Variants in SCMH1 observed in about 807,000 individuals in gnomAD.
SCMH1 encodes Scm polycomb group protein homolog 1, also known as polycomb protein SCMH1.
In SCMH1, 37 loss-of-function variants were observed where a neutral mutation model predicts 70.8. The observed-to-expected ratio is 0.52, with a 90% CI of 0.40 to 0.69. The LOEUF is 0.69. SCMH1 is among the 30% of genes least tolerant of loss of function. The pLI is 0.00. For missense variants in SCMH1, 607 were observed against 827.3 expected (o/e 0.73, Z 3.27); for synonymous variants, 292 against 307.4 (o/e 0.95, Z 0.52).
At chr1:41,138,481 A>G (rs1643712664) in intron 6 of SCMH1, among the ~76,000 whole-genome samples, 1 of 151,970 alleles carries the variant, frequency 6.6e-6, no homozygotes, top group Non-Finnish European at 1.5e-5. Flanking sequence ...TTCCTTTGAG[A>G]TACTTTTTAA....
At chr1:41,134,376 G>C (rs1418960605) in intron 6 of SCMH1, among the ~76,000 whole-genome samples, 2 of 152,180 alleles carry the variant, frequency 1.3e-5, no homozygotes, top group Admixed American at 1.3e-4. Context: ...ACTGGCACAA[G>C]ACAAGGATGC....
At chr1:41,110,083 C>T (rs1668891990) in intron 8 of SCMH1, among the ~76,000 whole-genome samples, 1 of 152,192 alleles carries the variant, frequency 6.6e-6, no homozygotes, top group African/African-American at 2.4e-5. Flanking sequence ...AGTGCTTCCT[C>T]ACAATGCATT....
At chr1:41,029,650 T>G (rs1442139301) in intron 13 of SCMH1, among the ~76,000 whole-genome samples, 1 of 152,182 alleles carries the variant, frequency 6.6e-6, no homozygotes, top group Non-Finnish European at 1.5e-5. Flanking sequence ...CTGTCAGAGA[T>G]CTTTTACATG....
chr1:41,069,514 A>G (rs1011961169), intron 10 of SCMH1, among the ~76,000 whole-genome samples: 1 of 152,210 alleles, frequency 6.6e-6, no homozygotes, highest in African/African-American at 2.4e-5. Flanking sequence ...TGTATAACTG[A>G]CACAAATCAA....
At chr1:41,236,302 T>G (rs1275916308) in intron 1 of SCMH1, among the ~76,000 whole-genome samples, 1 of 152,078 alleles carries the variant, frequency 6.6e-6, no homozygotes, top group Non-Finnish European at 1.5e-5. Flanking sequence ...ATGGGAGGGG[T>G]GCAGGAGAAT....
intron 1 of SCMH1, among the ~76,000 whole-genome samples, 168 bp downstream of exon 1, chr1:41,241,891 C>T (rs1470285385): frequency 6.6e-6 from 1 of 151,822 alleles, no homozygotes; most frequent in Non-Finnish European, 1.5e-5. Context: ...AGGGCCCAGC[C>T]CCGCGCGGAC....
chr1:41,078,207 G>A (rs932503393), intron 8 of SCMH1, among the ~76,000 whole-genome samples: 46 of 152,024 alleles, frequency 3.0e-4, no homozygotes, highest in African/African-American at 9.2e-4. Context: ...AAAGTACAGT[G>A]AGAAAATATG....
intron 4 of SCMH1, among the ~76,000 whole-genome samples, chr1:41,158,410 G>A (rs1250004779): frequency 1.3e-5 from 2 of 152,152 alleles, no homozygotes; most frequent in Non-Finnish European, 2.9e-5. Context: ...AGTGCTTGTG[G>A]AAACTTACCA....
chr1:41,135,899 A>G (rs1572484775), intron 6 of SCMH1, among the ~76,000 whole-genome samples: 1 of 151,330 alleles, frequency 6.6e-6, no homozygotes, highest in African/African-American at 2.4e-5. Flanking sequence ...TAATCTACAC[A>G]TGGTGCTTAC....
chr1:41,149,029 G>A (rs1156271524), intron 5 of SCMH1, among the ~76,000 whole-genome samples: 6 of 151,978 alleles, frequency 3.9e-5, no homozygotes, highest in African/African-American at 9.7e-5. Context: ...CTGACTTCAC[G>A]ATCCGCCCAC....
chr1:41,108,779 G>A (rs1668600609), intron 8 of SCMH1, among the ~76,000 whole-genome samples: 1 of 152,160 alleles, frequency 6.6e-6, no homozygotes, highest in Admixed American at 6.5e-5. Flanking sequence ...AGAGGCACAG[G>A]AGTCACCTGC....
intron 2 of SCMH1, among the ~76,000 whole-genome samples, chr1:41,178,234 G>T (rs1647567831): frequency 1.3e-5 from 2 of 152,188 alleles, no homozygotes; most frequent in Non-Finnish European, 2.9e-5. Flanking sequence ...AGCTCCTGAA[G>T]GAAGCACTAA....
intron 1 of SCMH1, among the ~76,000 whole-genome samples, chr1:41,200,523 A>ATAC (rs1375735778): frequency 4.0e-5 from 6 of 148,314 alleles, no homozygotes; most frequent in Non-Finnish European, 8.9e-5. Context: ...TAATATAATA[A>ATAC]TAATAATAAT....
intron 11 of SCMH1, among the ~76,000 whole-genome samples, chr1:41,047,488 C>G (rs985400087): frequency 6.6e-6 from 1 of 151,690 alleles, no homozygotes; most frequent in Non-Finnish European, 1.5e-5. Context: ...CCTCCGCCTC[C>G]CAGGTTCAAG....
At chr1:41,108,003 A>G (rs1309197698) in intron 8 of SCMH1, among the ~76,000 whole-genome samples, 4 of 152,236 alleles carry the variant, frequency 2.6e-5, no homozygotes, top group South Asian at 2.1e-4. Flanking sequence ...CCTCCAGACC[A>G]GTGTAAGAAT....
intron 1 of SCMH1, among the ~76,000 whole-genome samples, chr1:41,229,485 C>A (rs375186668): frequency 2.6e-5 from 4 of 152,230 alleles, no homozygotes; most frequent in African/African-American, 9.6e-5. Context: ...CAAACTATCA[C>A]AAGGACAGAA....
At chr1:41,132,430 A>G (rs1642502319) in intron 6 of SCMH1, among the ~76,000 whole-genome samples, 1 of 152,038 alleles carries the variant, frequency 6.6e-6, no homozygotes, top group African/African-American at 2.4e-5. Flanking sequence ...TTTTCTTTGT[A>G]AATTCTGGGT....
intron 2 of SCMH1, among the ~76,000 whole-genome samples, chr1:41,165,956 G>A (rs1264452057): frequency 6.6e-6 from 1 of 151,758 alleles, no homozygotes; most frequent in Non-Finnish European, 1.5e-5. Flanking sequence ...TCTCTGTCCA[G>A]ACCTCTAGCA....
chr1:41,095,093 T>G (rs1261355338), intron 8 of SCMH1, among the ~76,000 whole-genome samples: 2 of 152,126 alleles, frequency 1.3e-5, no homozygotes, highest in Non-Finnish European at 2.9e-5. Context: ...GTTTACCTGT[T>G]TATGTCTCTC....
Sources: allele counts gnomAD v4.1 joint callset (sites outside exome capture counted in the v4.1 genomes callset), GRCh38; gene constraint gnomAD v4.1.1; transcripts MANE v1.5; gene names NCBI Gene and HGNC (gene_info 2026-07-23, HGNC 2026-07-21).